ACKR3: variants seen among roughly 807,000 people sequenced by gnomAD.
ACKR3 encodes the protein atypical chemokine receptor 3.
In ACKR3, 6 loss-of-function variants were observed where a neutral mutation model predicts 22.4. The ratio of observed to expected loss-of-function variants is 0.27; its 90% CI spans 0.15 to 0.53. The LOEUF is 0.53. Ranked by LOEUF, ACKR3 falls within the 20% of genes least tolerant of loss-of-function variation. The pLI is 0.96. For synonymous variants in ACKR3, 209 were observed against 205.2 expected, an observed-to-expected ratio of 1.02 and a Z score of -0.16; for missense variants, 396 against 475.2, an observed-to-expected ratio of 0.83 and a Z score of 1.55.
At chr2:236,563,750 T>C (rs1022250286), upstream of ACKR3, among the ~76,000 whole-genome samples, 109 of 152,292 alleles carry the variant, frequency 7.2e-4, no homozygotes, top group African/African-American at 2.6e-3. Flanking sequence ...TAGGTTCTGA[T>C]GTGCCTCCCC....
upstream of ACKR3, among the ~76,000 whole-genome samples, chr2:236,565,741 C>T (rs947688220): frequency 6.6e-6 from 1 of 152,258 alleles, no homozygotes; most frequent in South Asian, 2.1e-4. Context: ...CTTTTCCCAC[C>T]CCTACAGTGT....
chr2:236,555,986 C>A, the ACKR3 span, among the ~76,000 whole-genome samples: 1 of 152,190 alleles, frequency 6.6e-6, no homozygotes, highest in African/African-American at 2.4e-5. Flanking sequence ...TCTTCCCTTT[C>A]CTTTCTCAAC....
the ACKR3 span, among the ~76,000 whole-genome samples, chr2:236,538,217 A>G: frequency 1.8e-4 from 28 of 152,340 alleles, no homozygotes; most frequent in East Asian, 4.6e-3. Context: ...TTGTGTGGCC[A>G]TAATCCCTGA....
intron 1 of ACKR3, among the ~76,000 whole-genome samples, chr2:236,579,164 C>T (rs1691471337): frequency 1.3e-5 from 2 of 152,202 alleles, no homozygotes; most frequent in South Asian, 2.1e-4. Context: ...ATACCGCTAG[C>T]GTAGCCACCC....
chr2:236,566,922 A>C (rs763913565), upstream of ACKR3, among the ~76,000 whole-genome samples: 1 of 126,534 alleles, frequency 7.9e-6, no homozygotes, highest in African/African-American at 3.1e-5. Flanking sequence ...TTCTTTCCCC[A>C]AGGAGGATTT....
rs1049403637 is a variant in ACKR3, at chr2:236,581,431, C to T, written c.966C>T (p.Tyr322=). ...TCTACAGCTTCATCAATCGCAACTA[C>T]AGGTACGAGCTGATGAAGGCCTTCA... The part of the protein sequence containing the change: ...PVLYSFINRN[Y]RYELMKAFIF... The change falls in exon 2 of 2, where the codon TAC becomes TAT. Residue 322 remains tyrosine, a synonymous_variant. Coordinates refer to ENST00000272928, the MANE Select transcript of ACKR3 (RefSeq NM_020311.3). This position sits in a 1 kb window ranked among gnomAD's most constrained non-coding sequence, Gnocchi z 4.4. The T allele has an allele frequency of 2.5e-6, 4 of 1,614,178 alleles. No homozygotes were observed. Among genetic ancestry groups the T allele is most frequent in the Admixed American group, 1.7e-5 (1 of 60,026 alleles).
At chr2:236,564,810 A>G (rs1296301873), upstream of ACKR3, among the ~76,000 whole-genome samples, 1 of 152,062 alleles carries the variant, frequency 6.6e-6, no homozygotes, top group Non-Finnish European at 1.5e-5. Context: ...TTGGATTGGA[A>G]CGCCATGGCC....
At chr2:236,550,706 A>G in the ACKR3 span, among the ~76,000 whole-genome samples, 1 of 152,156 alleles carries the variant, frequency 6.6e-6, no homozygotes. The surrounding 1 kb of genome is among the most constrained non-coding windows in gnomAD (Gnocchi z 4.6). Context: ...TCAGCCCCTC[A>G]TTGGTAAAAT....
the ACKR3 span, among the ~76,000 whole-genome samples, chr2:236,538,572 A>C: frequency 6.6e-6 from 1 of 152,154 alleles, no homozygotes; most frequent in Non-Finnish European, 1.5e-5. Context: ...TCTAAGGTGG[A>C]CCGGGGCAGA....
At chr2:236,573,190 G>GCACACACACACACA (rs147207140) in intron 1 of ACKR3, among the ~76,000 whole-genome samples, 8 of 151,094 alleles carry the variant, frequency 5.3e-5, no homozygotes, top group African/African-American at 1.7e-4. Flanking sequence ...ACACACACAT[G>GCACACACACACACA]CACACACACA....
Position 236,581,802 on chromosome 2 carries a change from C to G in ACKR3, c.*248C>G, listed in dbSNP as rs1159727988. 2.6e-6 allele frequency: 1 copy of G among 383,788 alleles called. No homozygotes were observed. Among genetic ancestry groups the G allele is most frequent in the African/African-American group, 2.0e-5 (1 of 48,936 alleles). The allele number at this position is 383,788 out of a possible 1,614,324, so 23.8% of individuals were successfully genotyped here. A position where few individuals can be genotyped will look rare whatever the true frequency, so the allele number is the denominator to read the frequency against. ...CAGCAGTGCTGTGCGTCAGAGCCAG[C>G]TGAGGACAGGCTTGCCTGGACTTCT... is the stretch of plus-strand genomic sequence containing the variant. On this transcript the variant is annotated 3_prime_UTR_variant, in exon 2 of 2. Transcript: ENST00000272928. This position sits in a 1 kb window ranked among gnomAD's most constrained non-coding sequence, Gnocchi z 4.4.
the ACKR3 span, among the ~76,000 whole-genome samples, chr2:236,556,025 G>A: frequency 1.3e-5 from 2 of 152,172 alleles, no homozygotes; most frequent in Admixed American, 6.5e-5. Context: ...GTAGGTGGGG[G>A]CAATCTGCCA....
At chr2:236,555,215 C>G in the ACKR3 span, among the ~76,000 whole-genome samples, 1 of 152,184 alleles carries the variant, frequency 6.6e-6, no homozygotes, top group Non-Finnish European at 1.5e-5. Context: ...TTTTTCTTTG[C>G]TTTTGCTTTG....
chr2:236,568,932 G>A (rs988664550), upstream of ACKR3, among the ~76,000 whole-genome samples: 1 of 152,226 alleles, frequency 6.6e-6, no homozygotes, highest in African/African-American at 2.4e-5. Flanking sequence ...CATGGGATGG[G>A]CTGGCGGGTG....
At chr2:236,545,771 G>A in the ACKR3 span, among the ~76,000 whole-genome samples, 2 of 152,168 alleles carry the variant, frequency 1.3e-5, no homozygotes, top group Non-Finnish European at 2.9e-5. The surrounding 1 kb of genome is among the most constrained non-coding windows in gnomAD (Gnocchi z 5.3). Flanking sequence ...TATGGGGAGA[G>A]CTCACTGTGT....
upstream of ACKR3, among the ~76,000 whole-genome samples, chr2:236,567,529 C>CA (rs1691210847): frequency 1.3e-5 from 2 of 152,330 alleles, no homozygotes; most frequent in African/African-American, 4.8e-5. Context: ...CTCGTTTTCT[C>CA]AAAAAGCCCT....
At chr2:236,556,371 TA>T in the ACKR3 span, among the ~76,000 whole-genome samples, 1 of 151,914 alleles carries the variant, frequency 6.6e-6, no homozygotes, top group African/African-American at 2.4e-5. Context: ...AATCGTCCCT[TA>T]TATGGCAAAA....
chr2:236,539,056 G>T, the ACKR3 span, among the ~76,000 whole-genome samples: 1 of 152,034 alleles, frequency 6.6e-6, no homozygotes, highest in African/African-American at 2.4e-5. Flanking sequence ...CTTTTACTTG[G>T]TATATTATTT....
rs1307341275 is a variant in ACKR3, at chr2:236,574,661, C to A, written c.-27+4737C>A. On this transcript the variant is annotated intron_variant, in intron 1 of 1. Transcript: ENST00000272928. The surrounding 1 kb of genome is among the most constrained non-coding windows in gnomAD (Gnocchi z 5.6). Reference sequence around the variant, plus strand: ...CATACTCAGCCACCACCCATGAAGGCTCTAAACCTGAGTACCTGTAATTCC... The same window carrying A: ...CATACTCAGCCACCACCCATGAAGGATCTAAACCTGAGTACCTGTAATTCC... 6.6e-6 allele frequency among the ~76,000 whole-genome samples: 1 copy of A among 152,164 alleles called. No individual in the cohort carries two copies. Among genetic ancestry groups the A allele is most frequent in the Admixed American group, 6.5e-5 (1 of 15,270 alleles).
Sources: allele counts gnomAD v4.1 joint callset (sites outside exome capture counted in the v4.1 genomes callset), GRCh38; gene constraint gnomAD v4.1.1; non-coding constraint Gnocchi (gnomAD v3.1); transcripts MANE v1.5; gene names NCBI Gene and HGNC (gene_info 2026-07-23, HGNC 2026-07-21).